Variants in REEP3 observed in about 807,000 individuals in gnomAD.
REEP3 encodes receptor expression-enhancing protein 3.
A neutral mutation model predicts 41.3 loss-of-function variants in REEP3; 20 were observed. The observed-to-expected ratio is 0.48, with a 90% CI of 0.34 to 0.70. The LOEUF (loss-of-function observed/expected upper bound fraction) is 0.70. Among genes scored for constraint, REEP3 ranks in the 30% least tolerant of loss-of-function variants. The probability of loss-of-function intolerance (pLI) is 0.01; values close to 1 mark genes in which losing one functional copy is unlikely to be tolerated. For missense variants in REEP3, 271 were observed against 308.8 expected (o/e 0.88, Z 0.92); for synonymous variants, 104 against 101.8 (o/e 1.02, Z -0.13).
intron 1 of REEP3, among the ~76,000 whole-genome samples, chr10:63,552,170 C>T (rs1955634724): frequency 6.6e-6 from 1 of 151,754 alleles, no homozygotes; most frequent in Non-Finnish European, 1.5e-5. Flanking sequence ...TTTGGGAGGC[C>T]GAGGCAGGTG....
chr10:63,558,996 TAA>T (rs1955716186), intron 1 of REEP3, among the ~76,000 whole-genome samples: 1 of 152,166 alleles, frequency 6.6e-6, no homozygotes, highest in Admixed American at 6.5e-5. Flanking sequence ...ACACTGTAAT[TAA>T]TTTTTTTGTT....
Position 63,611,843 on chromosome 10 carries a change from G to C in REEP3, c.565+1509G>C, listed in dbSNP as rs542011386. 4.8e-3 allele frequency among the ~76,000 whole-genome samples: 719 copies of C among 150,564 alleles called. 3 individuals are homozygous for C. The highest frequency in any genetic ancestry group is 5.9e-3 in the Admixed American group (89 of 15,136). On this transcript the variant is annotated intron_variant, in intron 6 of 7. Transcript: ENST00000373758. Reference sequence around the variant, plus strand: ...TATTCACCGAGCTACTTGGGAGGCAGGTGGGAAAATCACTTGAGCCCAGGA... The same window carrying C: ...TATTCACCGAGCTACTTGGGAGGCACGTGGGAAAATCACTTGAGCCCAGGA...
At chr10:63,582,735 C>G (rs1456747887) in intron 2 of REEP3, among the ~76,000 whole-genome samples, 1 of 151,876 alleles carries the variant, frequency 6.6e-6, no homozygotes, top group Non-Finnish European at 1.5e-5. Flanking sequence ...ATCACCCACC[C>G]TTCTTTCATA....
At chr10:63,585,670 A>G (rs897298471) in intron 2 of REEP3, among the ~76,000 whole-genome samples, 3 of 152,178 alleles carry the variant, frequency 2.0e-5, no homozygotes, top group Non-Finnish European at 4.4e-5. Context: ...TACAAGTGTA[A>G]ATTATTACAA....
chr10:63,547,838 T>C (rs144670893), intron 1 of REEP3, among the ~76,000 whole-genome samples: 1 of 152,312 alleles, frequency 6.6e-6, no homozygotes, highest in African/African-American at 2.4e-5. Context: ...GCCTTGCAGC[T>C]AAAACCTGTG....
chr10:63,527,143 G>A, intron 1 of REEP3, among the ~76,000 whole-genome samples: 1 of 151,488 alleles, frequency 6.6e-6, no homozygotes, highest in South Asian at 2.1e-4. Flanking sequence ...TTTATATTGG[G>A]TGCTATAATG....
intron 1 of REEP3, among the ~76,000 whole-genome samples, chr10:63,542,252 T>C (rs1226429592): frequency 2.6e-5 from 4 of 152,048 alleles, no homozygotes; most frequent in Non-Finnish European, 5.9e-5. Context: ...CTAATTTTTG[T>C]ATTTTTAATA....
intron 2 of REEP3, among the ~76,000 whole-genome samples, chr10:63,576,405 A>G (rs777232047): frequency 1.3e-5 from 2 of 152,184 alleles, no homozygotes; most frequent in Non-Finnish European, 2.9e-5. Flanking sequence ...GTTGAGGAGA[A>G]TCATTCCTTG....
chr10:63,605,001 T>A (rs969025836), intron 5 of REEP3, among the ~76,000 whole-genome samples: 1 of 152,188 alleles, frequency 6.6e-6, no homozygotes, highest in South Asian at 2.1e-4. Flanking sequence ...GGGCTGCTAC[T>A]GGTATCTAGT....
chr10:63,592,411 C>A (rs1956072481), intron 2 of REEP3, among the ~76,000 whole-genome samples: 1 of 152,162 alleles, frequency 6.6e-6, no homozygotes. Flanking sequence ...AGAACAGTTT[C>A]TCTTGTAATG....
chr10:63,616,122 T>C (rs974333509), intron 6 of REEP3, among the ~76,000 whole-genome samples: 4 of 151,924 alleles, frequency 2.6e-5, no homozygotes, highest in Non-Finnish European at 5.9e-5. Context: ...AAGTCCAAAC[T>C]AGATAGCATG....
chr10:63,566,386 G>T lies in REEP3; in HGVS notation c.81G>T (p.Val27=). The change falls in exon 2 of 8, where the codon GTG becomes GTT. Residue 27 remains valine (V), a synonymous_variant. Coordinates refer to ENST00000373758, the MANE Select transcript of REEP3 (RefSeq NM_001001330.3). ...LYPAYYSYKA[V]KTKNVKEYVR... ...CTGCATATTATTCATACAAAGCTGT[G>T]AAAACAAAAAACGTGAAGGAATATG... The T allele has an allele frequency of 6.5e-7, 1 of 1,548,042 alleles. No homozygotes were observed.
At position 63,622,143 on chromosome 10, in the gene REEP3, A is replaced by G. The variant is rs554999337; in HGVS notation, c.*1274A>G. 5 of 152,250 alleles carry G rather than the reference A, an allele frequency of 3.3e-5. No individual in the cohort carries two copies. The Middle Eastern group carries it at 0.017, about 518-fold the overall frequency. 9.4% of individuals were successfully genotyped at this position (152,250 alleles called of 1,614,324 possible). A position where few individuals can be genotyped will look rare whatever the true frequency, so the allele number is the denominator to read the frequency against. On this transcript the variant is annotated 3_prime_UTR_variant, in exon 8 of 8. Coordinates refer to ENST00000373758, the MANE Select transcript of REEP3 (RefSeq NM_001001330.3). ...GTGATCAGTAATCAAATTTGTACTT[A>G]TTATGCTTGTTCAGGTAATTTACTT...
At chr10:63,573,285 C>T (rs550808329) in intron 2 of REEP3, among the ~76,000 whole-genome samples, 28 of 152,290 alleles carry the variant, frequency 1.8e-4, no homozygotes, top group African/African-American at 6.7e-4. Context: ...ATATGGCCTA[C>T]TTAAAGACTT....
chr10:63,528,547 C>T (rs1955388211), intron 1 of REEP3, among the ~76,000 whole-genome samples: 1 of 152,188 alleles, frequency 6.6e-6, no homozygotes, highest in South Asian at 2.1e-4. Context: ...CAAAATAGTC[C>T]TGTTGAAACC....
Position 63,521,464 on chromosome 10 carries a change from G to A in REEP3, c.-82G>A. 1 of 944,090 alleles carries A rather than the reference G, an allele frequency of 1.1e-6. No individual in the cohort carries two copies. Among genetic ancestry groups the A allele is most frequent in the Non-Finnish European group, 1.4e-6 (1 of 722,234 alleles). 58.5% of individuals were successfully genotyped at this position (944,090 alleles called of 1,614,324 possible). A position where few individuals can be genotyped will look rare whatever the true frequency, so the allele number is the denominator to read the frequency against. On this transcript the variant is annotated 5_prime_UTR_variant, in exon 1 of 8. Coordinates refer to ENST00000373758, the MANE Select transcript of REEP3 (RefSeq NM_001001330.3). ...CCGGGGAGCGCGAGGAGCCGGCGAA[G>A]CGCGCGGCCTGCCGTTGGCGGCCTG...
intron 2 of REEP3, among the ~76,000 whole-genome samples, chr10:63,571,544 T>A (rs889727984): frequency 6.6e-6 from 1 of 152,220 alleles, no homozygotes; most frequent in Non-Finnish European, 1.5e-5. Flanking sequence ...CTTCCACTTA[T>A]AAGGACTCTT....
At chr10:63,547,071 G>A (rs918094502) in intron 1 of REEP3, among the ~76,000 whole-genome samples, 7 of 151,924 alleles carry the variant, frequency 4.6e-5, no homozygotes, top group Admixed American at 2.6e-4. Flanking sequence ...ACAGGCGCCC[G>A]CCACCATGCC....
At chr10:63,584,705 A>G (rs1453692172) in intron 2 of REEP3, among the ~76,000 whole-genome samples, 1 of 152,002 alleles carries the variant, frequency 6.6e-6, no homozygotes, top group African/African-American at 2.4e-5. Flanking sequence ...GATCTTTTCA[A>G]CTCTATACTG....
Sources: allele counts gnomAD v4.1 joint callset (sites outside exome capture counted in the v4.1 genomes callset), GRCh38; gene constraint gnomAD v4.1.1; transcripts MANE v1.5; gene names NCBI Gene and HGNC (gene_info 2026-07-23, HGNC 2026-07-21).